Variants in CLEC1A observed in about 807,000 individuals in gnomAD.
CLEC1A encodes the protein C-type lectin domain family 1 member A.
A neutral mutation model predicts 28.7 loss-of-function variants in CLEC1A; 34 were observed. The ratio of observed to expected loss-of-function variants is 1.18; its 90% CI spans 0.90 to 1.57. The LOEUF (loss-of-function observed/expected upper bound fraction) is 1.57, where lower values mean the gene tolerates loss of function less well. CLEC1A is among the 40% of genes most tolerant of loss of function. CLEC1A has a pLI of 0.00. For synonymous variants in CLEC1A, 116 were observed against 121.0 expected, an observed-to-expected ratio of 0.96 and a Z score of 0.27; for missense variants, 385 against 339.5, an observed-to-expected ratio of 1.13 and a Z score of -1.05.
At chr12:10,089,403 C>T (rs536924782) in intron 1 of CLEC1A, among the ~76,000 whole-genome samples, 181 bp from the exon 2 acceptor site, 4 of 152,230 alleles carry the variant, frequency 2.6e-5, no homozygotes, top group Admixed American at 2.6e-4. Context: ...CAGTGCAAGC[C>T]TCACTTATCA....
intron 4 of CLEC1A, among the ~76,000 whole-genome samples, chr12:10,074,401 T>C (rs935198152): frequency 1.3e-5 from 2 of 152,116 alleles, no homozygotes; most frequent in African/African-American, 4.8e-5. Flanking sequence ...TCCAATTAAA[T>C]GGGCGGGTGC....
chr12:10,083,820 C>A (rs995895848), intron 2 of CLEC1A, among the ~76,000 whole-genome samples: 1 of 151,892 alleles, frequency 6.6e-6, no homozygotes, highest in African/African-American at 2.4e-5. Context: ...AAAAAATTAT[C>A]CAGAGAAATA....
intron 1 of CLEC1A, among the ~76,000 whole-genome samples, chr12:10,091,142 C>A (rs890680107): frequency 1.3e-5 from 2 of 152,146 alleles, no homozygotes; most frequent in African/African-American, 4.8e-5. Flanking sequence ...ACTAGGTAAT[C>A]TTTTCATGAC....
At chr12:10,073,988 C>T (rs1866194773) in intron 4 of CLEC1A, among the ~76,000 whole-genome samples, 1 of 152,082 alleles carries the variant, frequency 6.6e-6, no homozygotes, top group Non-Finnish European at 1.5e-5. Context: ...CCATATTTAA[C>T]ATATGTTTAC....
intron 3 of CLEC1A, among the ~76,000 whole-genome samples, chr12:10,077,398 G>GACAACAGCCTAGACAACAGCCTAGACA (rs1331941871): frequency 6.6e-5 from 10 of 152,058 alleles, no homozygotes; most frequent in Non-Finnish European, 1.3e-4. Context: ...AACAGAGTGA[G>GACAACAGCCTAGACAACAGCCTAGACA]ACCCTGTTTT....
intron 1 of CLEC1A, among the ~76,000 whole-genome samples, chr12:10,095,812 A>G (rs180766315): frequency 4.6e-5 from 7 of 152,080 alleles, no homozygotes; most frequent in Admixed American, 4.6e-4. Flanking sequence ...ATTACTCTTG[A>G]ATTTATTGTC....
At chr12:10,082,452 G>C (rs1455437963) in intron 2 of CLEC1A, among the ~76,000 whole-genome samples, 5 of 152,092 alleles carry the variant, frequency 3.3e-5, no homozygotes, top group South Asian at 2.1e-4. Flanking sequence ...CACAGCAGAG[G>C]CAGCCATAAA....
In CLEC1A at chr12:10,071,394, G is replaced by T. The variant is rs749429527; in HGVS notation, c.782C>A (p.Ala261Glu). 6.2e-7 allele frequency: 1 copy of T among 1,613,788 alleles called. No homozygotes were observed. The highest frequency in any genetic ancestry group is 1.3e-5 in the African/African-American group (1 of 74,882). ...GAGGCTCTCTGGCTTCACCATTCCT[G>T]CCCTTCTCTCACAGACACAACGCTT... is the stretch of plus-strand genomic sequence containing the variant. ...ELKRCVCERR[A>E]GMVKPESLHV... is the part of the protein sequence containing the mutation. The change falls in exon 6 of 6, where the codon GCA becomes GAA. Residue 261 changes from alanine to glutamate, a missense_variant. Physicochemically the swap from Ala to Glu is moderately radical, Grantham distance 107. Coordinates refer to ENST00000315330, the MANE Select transcript of CLEC1A (RefSeq NM_016511.4).
intron 3 of CLEC1A, among the ~76,000 whole-genome samples, chr12:10,080,096 G>A (rs1440379665): frequency 1.3e-5 from 2 of 152,138 alleles, no homozygotes; most frequent in East Asian, 1.9e-4. Context: ...AACACCTGAG[G>A]TTGGGAGTTC....
intron 5 of CLEC1A, among the ~76,000 whole-genome samples, chr12:10,072,481 A>G (rs1295466847): frequency 6.6e-6 from 1 of 152,072 alleles, no homozygotes; most frequent in Non-Finnish European, 1.5e-5. Flanking sequence ...CTTTTCTCAG[A>G]GATTGTGTTT....
chr12:10,081,468 T>C, intron 2 of CLEC1A, 55 bp from the exon 3 acceptor site: 1 of 1,419,294 alleles, frequency 7.0e-7, no homozygotes, highest in South Asian at 1.4e-5. Context: ...TTTATTTCCA[T>C]TTTCTGCTTA....
Position 10,075,512 on chromosome 12 carries a change from C to T in CLEC1A, c.535G>A (p.Glu179Lys). 1 of 1,613,796 alleles carries T rather than the reference C, an allele frequency of 6.2e-7. No individual in the cohort carries two copies. The change falls in exon 4 of 6, where the codon GAA (glutamate) becomes AAA (lysine). Residue 179 changes from glutamate (E) to lysine (K), a missense_variant. Physicochemically the swap from Glu to Lys is moderately conservative, Grantham distance 56. Transcript: ENST00000315330. Reference sequence around the variant, plus strand: ...AAGCCTCAGAATCTTACCAGGTCTTCTTGTTTGTTTATCTTCAGCATGGTA... The same window carrying T: ...AAGCCTCAGAATCTTACCAGGTCTTTTTGTTTGTTTATCTTCAGCATGGTA... ...NSTMLKINKQEDLEFAASQSY... is the reference protein window; with the variant it reads ...NSTMLKINKQKDLEFAASQSY...
At position 10,075,569 on chromosome 12, in the gene CLEC1A, C is replaced by A; in HGVS notation, c.478G>T (p.Asp160Tyr). ...TCACTAAGGCAGAAATATTTACAGT[C>A]CTCCCAACTTTTGCTGTCTTTATAG... ...QFYKDSKSWEDCKYFCLSENS... is the reference protein window; with the variant it reads ...QFYKDSKSWEYCKYFCLSENS... The change falls in exon 4 of 6, where the codon GAC (aspartate) becomes TAC (tyrosine). Residue 160 changes from aspartate to tyrosine, a missense_variant. By Grantham distance (160) the Asp-to-Tyr change is radical. Coordinates refer to ENST00000315330, the MANE Select transcript of CLEC1A (RefSeq NM_016511.4). The A allele has an allele frequency of 6.2e-7, 1 of 1,613,970 alleles. No homozygotes were observed. The highest frequency in any genetic ancestry group is 2.2e-5 in the East Asian group (1 of 44,878).
chr12:10,073,287 G>A lies in CLEC1A; in HGVS notation c.662+6C>T, dbSNP rs1866175904. On this transcript the variant is annotated splice_donor_region_variant and intron_variant, in intron 5 of 5. Transcript: ENST00000315330. ...GCCTTTCCCATAAAATATCCTGAAG[G>A]CTTACAGTTCAGAAGTGAAAGGGGT... 1 of 1,589,748 alleles carries A rather than the reference G, an allele frequency of 6.3e-7. No homozygotes were observed. Among genetic ancestry groups the A allele is most frequent in the Non-Finnish European group, 8.6e-7 (1 of 1,158,606 alleles).
At chr12:10,084,821 C>CAAAAA (rs57574014) in intron 2 of CLEC1A, among the ~76,000 whole-genome samples, 26,332 of 81,254 alleles carry the variant, frequency 0.32, 5,622 homozygotes, top group Non-Finnish European at 0.46. Context: ...GACTCTGTAT[C>CAAAAA]AAAAAAAAAA....
Position 10,075,653 on chromosome 12 carries a change from G to A in CLEC1A, c.394C>T (p.His132Tyr), listed in dbSNP as rs565483276. 2.5e-6 allele frequency: 4 copies of A among 1,611,344 alleles called. No individual in the cohort carries two copies. The Admixed American group carries it at 6.7e-5, about 27-fold the overall frequency. The change falls in exon 4 of 6, where the codon CAC becomes TAC. Residue 132 changes from histidine (H) to tyrosine (Y), a missense_variant and splice_region_variant. By Grantham distance (83) the His-to-Tyr change is moderately conservative. Transcript: ENST00000315330. The part of the protein sequence containing the change: ...CRELYNKAGA[H>Y]RCSPCTEQWK... ...TGTTCTGTACAAGGGCTGCACCTGT[G>A]TGCTTGGAAAAAAGCCAATTTTATT...
In CLEC1A at chr12:10,097,915, T is replaced by TAAAAAAAAAAAAAAAAAAAAAAA. The variant is rs11453815; in HGVS notation, c.115+892_115+893insTTTTTTTTTTTTTTTTTTTTTTT. Among the ~76,000 whole-genome samples, 2 of 117,878 alleles carry TAAAAAAAAAAAAAAAAAAAAAAA rather than the reference T, an allele frequency of 1.7e-5. 1 individual carries two copies. 77.3% of individuals were successfully genotyped at this position (117,878 alleles called of 152,430 possible). ...TTAACAGCTTACTGGGTAGTTTAGT[T>TAAAAAAAAAAAAAAAAAAAAAAA]AAAAAAAAAAAAAGCCATATTAGTA... On this transcript the variant is annotated intron_variant, in intron 1 of 5. Coordinates refer to ENST00000315330, the MANE Select transcript of CLEC1A (RefSeq NM_016511.4).
intron 2 of CLEC1A, among the ~76,000 whole-genome samples, chr12:10,083,344 G>A (rs3886143): frequency 0.78 from 119,138 of 152,162 alleles, 47,980 homozygotes; most frequent in Non-Finnish European, 0.88. Flanking sequence ...TAGCTCCCCA[G>A]CAATGGATTC....
In CLEC1A at chr12:10,070,979, T is replaced by C; in HGVS notation, c.*354A>G. On this transcript the variant is annotated 3_prime_UTR_variant, in exon 6 of 6. Coordinates refer to ENST00000315330, the MANE Select transcript of CLEC1A (RefSeq NM_016511.4). Reference sequence around the variant, plus strand: ...TGTTACCTCAATGTATTTCCTCTACTTCAAAAAGTTTCTTATTCCACCAAG... The same window carrying C: ...TGTTACCTCAATGTATTTCCTCTACCTCAAAAAGTTTCTTATTCCACCAAG... The C allele has an allele frequency of 6.0e-6, 1 of 166,048 alleles. No individual in the cohort carries two copies. The highest frequency in any genetic ancestry group is 1.3e-5 in the Non-Finnish European group (1 of 77,456). The allele number at this position is 166,048 out of a possible 1,614,324, so 10.3% of individuals were successfully genotyped here.
Sources: allele counts gnomAD v4.1 joint callset (sites outside exome capture counted in the v4.1 genomes callset), GRCh38; gene constraint gnomAD v4.1.1; transcripts MANE v1.5; gene names NCBI Gene and HGNC (gene_info 2026-07-23, HGNC 2026-07-21).